The following ZNF629 variants were observed in gnomAD, a reference collection of about 807,000 sequenced individuals.
The protein encoded by ZNF629 is DNA-binding protein.
ZNF629 carries 9 observed loss-of-function variants against 59.7 expected under a neutral mutation model. The observed-to-expected ratio is 0.15, with a 90% CI of 0.09 to 0.26. The LOEUF is 0.26. ZNF629 is among the 10% of genes least tolerant of loss of function. The probability of loss-of-function intolerance (pLI) is 1.00; values close to 1 mark genes in which losing one functional copy is unlikely to be tolerated. For missense variants in ZNF629, 853 were observed against 1,165.4 expected (o/e 0.73, Z 3.90); for synonymous variants, 509 against 498.9 (o/e 1.02, Z -0.27).
At position 30,784,116 on chromosome 16, in the gene ZNF629, G is replaced by A; in HGVS notation, c.212C>T (p.Ser71Phe). 6.2e-7 allele frequency: 1 copy of A among 1,608,402 alleles called. No individual in the cohort carries two copies. Among genetic ancestry groups the A allele is most frequent in the South Asian group, 1.1e-5 (1 of 90,690 alleles). Residue 71 changes from serine (S) to phenylalanine (F), a missense_variant, in exon 3 of 3, where the codon TCT becomes TTT. Ser to Phe is a radical substitution (Grantham distance 155). Around this residue, in one of 3 missense-constraint regions of ZNF629, gnomAD observed 232 missense variants for 193.4 expected, o/e 1.20. Transcript: ENST00000262525. ...TGGGGTTGGGGGGTTCTGGGGGACAGAGGGGTCCTGGGAGGATCTCTCCAG... is the reference window on the plus strand; with the variant it reads ...TGGGGTTGGGGGGTTCTGGGGGACAAAGGGGTCCTGGGAGGATCTCTCCAG... ...MSLERSSQDP[S>F]VPQNPPTPLG... is the part of the protein sequence containing the mutation.
rs200098854 is a variant in ZNF629, at chr16:30,782,524, C to T, written c.1804G>A (p.Gly602Ser). 87 of 1,562,470 alleles carry T rather than the reference C, an allele frequency of 5.6e-5. 1 individual carries two copies. In the East Asian group the frequency reaches 1.5e-3, roughly 28 times the overall value. ...IGENPYKNAD[G>S]LIAHAAPKPP... ...TTGGGGGCTGCGTGTGCGATGAGGC[C>T]GTCTGCATTTTTGTAGGGGTTTTCT... Residue 602 changes from glycine (G) to serine (S), a missense_variant, in exon 3 of 3, where the codon GGC (glycine) becomes AGC (serine). Gly to Ser is a moderately conservative substitution (Grantham distance 56, BLOSUM62 0). Around this residue, in one of 3 missense-constraint regions of ZNF629, gnomAD observed 420 missense variants for 435.6 expected, o/e 0.96. Coordinates refer to ENST00000262525, the MANE Select transcript of ZNF629 (RefSeq NM_001080417.3).
Position 30,783,579 on chromosome 16 carries a change from A to C in ZNF629, c.749T>G (p.Ile250Ser). The C allele has an allele frequency of 6.2e-7, 1 of 1,613,532 alleles. No homozygotes were observed. Among genetic ancestry groups the C allele is most frequent in the Non-Finnish European group, 8.5e-7 (1 of 1,179,864 alleles). The change falls in exon 3 of 3, where the codon ATC (isoleucine) becomes AGC (serine). Residue 250 changes from isoleucine to serine, a missense_variant. This residue lies in a region of ZNF629 where 201 missense variants were observed against 536.5 expected (regional missense o/e 0.37). Coordinates refer to ENST00000262525, the MANE Select transcript of ZNF629 (RefSeq NM_001080417.3). ...EKAFTQSTNL[I>S]KHQRSHTGEK... The stretch of plus-strand genomic sequence containing the variant: ...GCCGGTGTGGGATCGCTGGTGCTTG[A>C]TGAGGTTGGTGCTCTGGGTGAAGGC...
At position 30,783,752 on chromosome 16, in the gene ZNF629, G is replaced by A. The variant is rs2054304742; in HGVS notation, c.576C>T (p.His192=). ...TGTGCGTGCGCTGGTGCTGCACCAG[G>A]TGCGAGCTCTGCGTGAAGCTCTTGC... The part of the protein sequence containing the change: ...ECGKSFTQSS[H]LVQHQRTHTG... The change falls in exon 3 of 3, where the codon CAC becomes CAT. Residue 192 remains histidine, a synonymous_variant. Coordinates refer to ENST00000262525, the MANE Select transcript of ZNF629 (RefSeq NM_001080417.3). 1 of 1,613,330 alleles carries A rather than the reference G, an allele frequency of 6.2e-7. No homozygotes were observed. The highest frequency in any genetic ancestry group is 1.3e-5 in the African/African-American group (1 of 74,808).
Position 30,779,147 on chromosome 16 carries a change from G to C in ZNF629, c.*2571C>G, listed in dbSNP as rs1303648311. On this transcript the variant is annotated 3_prime_UTR_variant, in exon 3 of 3. Coordinates refer to ENST00000262525, the MANE Select transcript of ZNF629 (RefSeq NM_001080417.3). The stretch of plus-strand genomic sequence containing the variant: ...CGCTCACATCATCCATCCCGTACAA[G>C]AGCCAAGCCCCTTAGCCCTCACCCA... The C allele has an allele frequency of 6.6e-6, 1 of 152,266 alleles. No homozygotes were observed. Among genetic ancestry groups the C allele is most frequent in the South Asian group, 2.1e-4 (1 of 4,832 alleles). The allele number at this position is 152,266 out of a possible 1,614,324, so 9.4% of individuals were successfully genotyped here. A position where few individuals can be genotyped will look rare whatever the true frequency, so the allele number is the denominator to read the frequency against.
In ZNF629 at chr16:30,780,188, T is replaced by A. The variant is rs2054268484; in HGVS notation, c.*1530A>T. The A allele has an allele frequency of 6.6e-6, 1 of 152,508 alleles. No individual in the cohort carries two copies. The highest frequency in any genetic ancestry group is 1.5e-5 in the Non-Finnish European group (1 of 68,034). 9.4% of individuals were successfully genotyped at this position (152,508 alleles called of 1,614,324 possible). ...GTGAGTGGAATCCATCCCATCCATCTCAAGGCTGAGATTGGGCTGGATCTC... is the reference window on the plus strand; with the variant it reads ...GTGAGTGGAATCCATCCCATCCATCACAAGGCTGAGATTGGGCTGGATCTC... On this transcript the variant is annotated 3_prime_UTR_variant, in exon 3 of 3. Coordinates refer to ENST00000262525, the MANE Select transcript of ZNF629 (RefSeq NM_001080417.3).
In ZNF629 at chr16:30,786,794, G is replaced by A. The variant is rs1287216144; in HGVS notation, c.-34+234C>T. Among the ~76,000 whole-genome samples the A allele has an allele frequency of 6.6e-6, 1 of 151,686 alleles. No homozygotes were observed. Among genetic ancestry groups the A allele is most frequent in the Admixed American group, 6.5e-5 (1 of 15,268 alleles). On this transcript the variant is annotated intron_variant, in intron 1 of 2. Transcript: ENST00000262525. The surrounding 1 kb of genome is among the most constrained non-coding windows in gnomAD (Gnocchi z 4.8). ...GCAGCGCTGGTCCCCGGCCCCGGCC[G>A]ATCCCTCTTCCCAGAATCCCCAGGC...
At position 30,782,362 on chromosome 16, in the gene ZNF629, G is replaced by GC; in HGVS notation, c.1965dup (p.Leu656AlafsTer39). On this transcript the variant is annotated frameshift_variant, in exon 3 of 3. Transcript: ENST00000262525. LOFTEE classifies it high-confidence loss of function. ...CAGATGTAGGTCTTGGAGGACAGCA[G>GC]CCCCCGCCTCTGGCTGAAGCCCTCC... 6.4e-7 allele frequency: 1 copy of GC among 1,572,864 alleles called. No individual in the cohort carries two copies. The highest frequency in any genetic ancestry group is 8.6e-7 in the Non-Finnish European group (1 of 1,157,790).
At position 30,784,151 on chromosome 16, in the gene ZNF629, T is replaced by G. The variant is rs765589932; in HGVS notation, c.177A>C (p.Thr59=). The G allele has an allele frequency of 8.6e-5, 138 of 1,609,796 alleles. No individual in the cohort carries two copies. The highest frequency in any genetic ancestry group is 1.1e-4 in the Non-Finnish European group (134 of 1,179,066). ...GGGAGGATCTCTCCAGGGACATCTC[T>G]GTTGAGTCCTTGGATTCTGGACTCT... ...PAQSPESKDS[T]EMSLERSSQD... The change falls in exon 3 of 3, where the codon ACA becomes ACC. Residue 59 remains threonine (T), a synonymous_variant. Transcript: ENST00000262525.
In ZNF629 at chr16:30,780,715, T is replaced by G. The variant is rs1238239958; in HGVS notation, c.*1003A>C. 6.6e-6 allele frequency: 1 copy of G among 152,282 alleles called. No individual in the cohort carries two copies. Among genetic ancestry groups the G allele is most frequent in the Non-Finnish European group, 1.5e-5 (1 of 68,032 alleles). 9.4% of individuals were successfully genotyped at this position (152,282 alleles called of 1,614,324 possible). On this transcript the variant is annotated 3_prime_UTR_variant, in exon 3 of 3. Transcript: ENST00000262525. ...TCCTGCCTGGTGTGGGGAGAACCCT[T>G]GCACTCTGAGAGCTGGGACCTGCCT...
At chr16:30,785,736 T>TTGAA (rs1184615362) in intron 1 of ZNF629, among the ~76,000 whole-genome samples, 1 of 152,026 alleles carries the variant, frequency 6.6e-6, no homozygotes, top group African/African-American at 2.4e-5. Flanking sequence ...AGAAACTTTG[T>TTGAA]TGAATGAATG....
At position 30,783,896 on chromosome 16, in the gene ZNF629, C is replaced by T. The variant is rs772847009; in HGVS notation, c.432G>A (p.Ala144=). The change falls in exon 3 of 3, where the codon GCG becomes GCA. Residue 144 remains alanine (A), a synonymous_variant. Coordinates refer to ENST00000262525, the MANE Select transcript of ZNF629 (RefSeq NM_001080417.3). ...TGCAGATGTAGGGCTTCTCCGCCCC[C>T]GCCGGGCGGCCCTGCACCAGCTCCC... ...SLRELVQGRP[A]GAEKPYICNE... 15 of 1,597,874 alleles carry T rather than the reference C, an allele frequency of 9.4e-6. No homozygotes were observed. The East Asian group carries it at 2.2e-4, about 24-fold the overall frequency.
Position 30,781,520 on chromosome 16 carries a change from T to C in ZNF629, c.*198A>G. 1 of 464,616 alleles carries C rather than the reference T, an allele frequency of 2.2e-6. No individual in the cohort carries two copies. Among genetic ancestry groups the C allele is most frequent in the Non-Finnish European group, 3.7e-6 (1 of 272,806 alleles). The allele number at this position is 464,616 out of a possible 1,614,324, so 28.8% of individuals were successfully genotyped here. A position where few individuals can be genotyped will look rare whatever the true frequency, so the allele number is the denominator to read the frequency against. ...AACCCAACAGTTTTTCTCTACTGCC[T>C]TATAAGTGCTTCCCACCAACAATTT... On this transcript the variant is annotated 3_prime_UTR_variant, in exon 3 of 3. Coordinates refer to ENST00000262525, the MANE Select transcript of ZNF629 (RefSeq NM_001080417.3).
Position 30,783,990 on chromosome 16 carries a change from C to T in ZNF629, c.338G>A (p.Ser113Asn). The T allele has an allele frequency of 6.4e-7, 1 of 1,574,634 alleles. No individual in the cohort carries two copies. ...PSDWTKACEA[S>N]WQWGALTTWN... Reference sequence around the variant, plus strand: ...TGTGGTGAGAGCGCCCCACTGCCAGCTGGCCTCGCAGGCCTTGGTCCAGTC... The same window carrying T: ...TGTGGTGAGAGCGCCCCACTGCCAGTTGGCCTCGCAGGCCTTGGTCCAGTC... The change falls in exon 3 of 3, where the codon AGC becomes AAC. Residue 113 changes from serine (S) to asparagine (N), a missense_variant. Ser to Asn is a conservative substitution (Grantham distance 46). Coordinates refer to ENST00000262525, the MANE Select transcript of ZNF629 (RefSeq NM_001080417.3).
chr16:30,786,467 G>A lies in ZNF629; in HGVS notation c.-34+561C>T, dbSNP rs1473494671. On this transcript the variant is annotated intron_variant, in intron 1 of 2. Transcript: ENST00000262525. This position sits in a 1 kb window ranked among gnomAD's most constrained non-coding sequence, Gnocchi z 4.8. ...TGGGAAGACCGAGGGAGGCCGAGGCGCTGGGAGCCCAGGCGCCAGGCACGC... is the reference window on the plus strand; with the variant it reads ...TGGGAAGACCGAGGGAGGCCGAGGCACTGGGAGCCCAGGCGCCAGGCACGC... Among the ~76,000 whole-genome samples the A allele has an allele frequency of 1.3e-5, 2 of 152,196 alleles. No homozygotes were observed. The highest frequency in any genetic ancestry group is 4.8e-5 in the African/African-American group (2 of 41,460).
In ZNF629 at chr16:30,782,609, C is replaced by T. The variant is rs1001081345; in HGVS notation, c.1719G>A (p.Val573=). ...PPGAKPHKCL[V]CGKGFNDEGI... ...CCTCGTCGTTGAAGCCCTTTCCGCA[C>T]ACGAGACACTTGTGCGGCTTGGCTC... The change falls in exon 3 of 3, where the codon GTG becomes GTA. Residue 573 remains valine, a synonymous_variant. Coordinates refer to ENST00000262525, the MANE Select transcript of ZNF629 (RefSeq NM_001080417.3). 1.9e-6 allele frequency: 3 copies of T among 1,565,774 alleles called. No individual in the cohort carries two copies. Among genetic ancestry groups the T allele is most frequent in the Non-Finnish European group, 1.7e-6 (2 of 1,154,900 alleles).
In ZNF629 at chr16:30,781,433, T is replaced by G; in HGVS notation, c.*285A>C. On this transcript the variant is annotated 3_prime_UTR_variant, in exon 3 of 3. Coordinates refer to ENST00000262525, the MANE Select transcript of ZNF629 (RefSeq NM_001080417.3). ...TAGGGCTTTTATCCACTATGGTTTATAGGGTTTTTCTGCTACAGACTTAAA... is the reference window on the plus strand; with the variant it reads ...TAGGGCTTTTATCCACTATGGTTTAGAGGGTTTTTCTGCTACAGACTTAAA... 3.6e-6 allele frequency: 1 copy of G among 281,112 alleles called. No individual in the cohort carries two copies. Among genetic ancestry groups the G allele is most frequent in the Non-Finnish European group, 6.6e-6 (1 of 151,664 alleles). 17.4% of individuals were successfully genotyped at this position (281,112 alleles called of 1,614,324 possible).
At position 30,782,628 on chromosome 16, in the gene ZNF629, T is replaced by C. The variant is rs2054293671; in HGVS notation, c.1700A>G (p.Lys567Arg). The stretch of plus-strand genomic sequence containing the variant: ...TCCGCACACGAGACACTTGTGCGGC[T>C]TGGCTCCCGGCGGCGGGGTCAGCAG... ...PSLLTPPPGA[K>R]PHKCLVCGKG... The change falls in exon 3 of 3, where the codon AAG becomes AGG. Residue 567 changes from lysine to arginine, a missense_variant. This residue lies in a region of ZNF629 where 420 missense variants were observed against 435.6 expected (regional missense o/e 0.96). Coordinates refer to ENST00000262525, the MANE Select transcript of ZNF629 (RefSeq NM_001080417.3). 1 of 1,571,960 alleles carries C rather than the reference T, an allele frequency of 6.4e-7. No individual in the cohort carries two copies. Among genetic ancestry groups the C allele is most frequent in the South Asian group, 1.2e-5 (1 of 86,758 alleles).
chr16:30,784,195 T>A lies in ZNF629; in HGVS notation c.133A>T (p.Ile45Phe), dbSNP rs1182121905. 1 of 1,609,250 alleles carries A rather than the reference T, an allele frequency of 6.2e-7. No individual in the cohort carries two copies. Among genetic ancestry groups the A allele is most frequent in the Non-Finnish European group, 8.5e-7 (1 of 1,178,988 alleles). ...GGACTCTGAGCCGGGTCTCCCATGA[T>A]GATCTCCTCCCCAGAACTTTCCTGC... is the stretch of plus-strand genomic sequence containing the variant. ...PRQESSGEEI[I>F]MGDPAQSPES... The change falls in exon 3 of 3, where the codon ATC (isoleucine) becomes TTC (phenylalanine). Residue 45 changes from isoleucine (I) to phenylalanine (F), a missense_variant. Ile to Phe is a conservative substitution (Grantham distance 21). Coordinates refer to ENST00000262525, the MANE Select transcript of ZNF629 (RefSeq NM_001080417.3).
In ZNF629 at chr16:30,784,521, G is replaced by A. The variant is rs1221343694; in HGVS notation, c.-33-6C>T. 1 of 1,504,052 alleles carries A rather than the reference G, an allele frequency of 6.6e-7. No homozygotes were observed. Among genetic ancestry groups the A allele is most frequent in the Non-Finnish European group, 8.9e-7 (1 of 1,129,146 alleles). 93.2% of individuals were successfully genotyped at this position (1,504,052 alleles called of 1,614,324 possible). ...ACTGCAGTGTTCCAGGGACCCTGCG[G>A]GGGAAGACAGCGATGAGCGCACACT... is the stretch of plus-strand genomic sequence containing the variant. On this transcript the variant is annotated splice_region_variant and splice_polypyrimidine_tract_variant and intron_variant, in intron 1 of 2. Transcript: ENST00000262525.
Sources: allele counts gnomAD v4.1 joint callset (sites outside exome capture counted in the v4.1 genomes callset), GRCh38; gene constraint gnomAD v4.1.1; regional missense constraint gnomAD v4.1.1; non-coding constraint Gnocchi (gnomAD v3.1); transcripts MANE v1.5; gene names NCBI Gene and HGNC (gene_info 2026-07-23, HGNC 2026-07-21).